Variants in THUMPD1 observed in about 807,000 individuals in gnomAD.
THUMPD1 encodes THUMP domain-containing protein 1.
In THUMPD1, 31 loss-of-function variants were observed where a neutral mutation model predicts 31.6. The observed-to-expected ratio is 0.98, with a 90% CI of 0.74 to 1.32. The LOEUF (loss-of-function observed/expected upper bound fraction) is 1.32. Ranked by LOEUF, THUMPD1 falls within the 40% of genes most tolerant of loss-of-function variation. THUMPD1 has a pLI of 0.00. For missense variants in THUMPD1, 446 were observed against 427.8 expected, an observed-to-expected ratio of 1.04 and a Z score of -0.38; for synonymous variants, 166 against 158.2, an observed-to-expected ratio of 1.05 and a Z score of -0.37.
chr16:20,739,580 G>A (rs1296381661), intron 1 of THUMPD1, among the ~76,000 whole-genome samples: 4 of 152,072 alleles, frequency 2.6e-5, no homozygotes, highest in Non-Finnish European at 5.9e-5. Flanking sequence ...CAGCACTCTG[G>A]GAGGCAGAGG....
In THUMPD1 at chr16:20,737,116, G is replaced by T. The variant is rs776927825; in HGVS notation, c.826C>A (p.Gln276Lys). 5.6e-6 allele frequency: 9 copies of T among 1,614,062 alleles called. No individual in the cohort carries two copies. Among genetic ancestry groups the T allele is most frequent in the Non-Finnish European group, 8.5e-7 (1 of 1,180,054 alleles). ...CCATTTCCCTGCTTTGAGTTAAGCT[G>T]TGACGGATCCTTAGGGCTCTTCACC... Reference protein sequence around the residue: ...EVVKSPKDPSQLNSKQGNGKE... With the variant: ...EVVKSPKDPSKLNSKQGNGKE... The change falls in exon 4 of 4, where the codon CAG becomes AAG. Residue 276 changes from glutamine (Q) to lysine (K), a missense_variant. Transcript: ENST00000396083.
At chr16:20,741,344 GA>G in intron 1 of THUMPD1, among the ~76,000 whole-genome samples, 164 bp downstream of exon 1, 1 of 152,336 alleles carries the variant, frequency 6.6e-6, no homozygotes, top group Non-Finnish European at 1.5e-5. Context: ...CGAAGTCTGC[GA>G]GCGTCTCAGG....
chr16:20,736,907 G>A lies in THUMPD1; in HGVS notation c.1035C>T (p.Ser345=). 1.9e-6 allele frequency: 3 copies of A among 1,614,064 alleles called. No individual in the cohort carries two copies. The highest frequency in any genetic ancestry group is 3.3e-4 in the Middle Eastern group (2 of 6,062). The change falls in exon 4 of 4, where the codon TCC becomes TCT. Residue 345 remains serine (S), a synonymous_variant. Transcript: ENST00000396083. ...PELASQATEG[S]KSNENDFS ...ATGAGAAGTCATTTTCATTTGACTT[G>A]GATCCTTCTGTGGCTTGACTTGCAA...
Position 20,735,076 on chromosome 16 carries a change from G to C in THUMPD1, c.*1804C>G, listed in dbSNP as rs181516268. 1 of 152,342 alleles carries C rather than the reference G, an allele frequency of 6.6e-6. No individual in the cohort carries two copies. Among genetic ancestry groups the C allele is most frequent in the East Asian group, 1.9e-4 (1 of 5,184 alleles). 9.4% of individuals were successfully genotyped at this position (152,342 alleles called of 1,614,324 possible). On this transcript the variant is annotated 3_prime_UTR_variant, in exon 4 of 4. Transcript: ENST00000396083. ...AAGAATTCCTCTGGCAAGGTGGCAAGTCAGTTTCCTTTTAGATCTAAGAGT... is the reference window on the plus strand; with the variant it reads ...AAGAATTCCTCTGGCAAGGTGGCAACTCAGTTTCCTTTTAGATCTAAGAGT...
At chr16:20,738,491 G>C (rs1486539891) in intron 2 of THUMPD1, among the ~76,000 whole-genome samples, 1 of 152,110 alleles carries the variant, frequency 6.6e-6, no homozygotes, top group East Asian at 1.9e-4. Flanking sequence ...ATTTGGGGCT[G>C]CTCCGAAAAT....
Position 20,738,911 on chromosome 16 carries a change from CTGA to C in THUMPD1, c.389_391del (p.Ile130del). On this transcript the variant is annotated inframe_deletion, in exon 2 of 4. Coordinates refer to ENST00000396083, the MANE Select transcript of THUMPD1 (RefSeq NM_017736.5). ...ATTTGTCACACCTATCCCAAGTGTC[CTGA>C]TGAAGACAACGTTATTTGCTCCACT... The C allele has an allele frequency of 1.4e-5, 22 of 1,614,166 alleles. No individual in the cohort carries two copies. The highest frequency in any genetic ancestry group is 1.9e-5 in the Non-Finnish European group (22 of 1,180,014).
At position 20,738,986 on chromosome 16, in the gene THUMPD1, A is replaced by C; in HGVS notation, c.317T>G (p.Ile106Ser). The change falls in exon 2 of 4, where the codon ATT becomes AGT. Residue 106 changes from isoleucine (I) to serine (S), a missense_variant. Physicochemically the swap from Ile to Ser is moderately radical, Grantham distance 142. Transcript: ENST00000396083. ...EAALKKEVGD[I>S]KASTEMRLRR... ...TAACCTCATCTCTGTAGATGCCTTA[A>C]TGTCACCAACTTCTTTCTTCAAGGC... The C allele has an allele frequency of 6.2e-7, 1 of 1,614,148 alleles. No individual in the cohort carries two copies. The highest frequency in any genetic ancestry group is 1.1e-5 in the South Asian group (1 of 91,084).
At chr16:20,740,451 C>T (rs2079907177) in intron 1 of THUMPD1, among the ~76,000 whole-genome samples, 1 of 152,218 alleles carries the variant, frequency 6.6e-6, no homozygotes. Context: ...GTGCTTGTTG[C>T]CCAGCTCTCT....
chr16:20,734,498 TAGG>T lies in THUMPD1; in HGVS notation c.*2379_*2381del, dbSNP rs144643260. ...TGGTTTACCAAACAGAACCACCAGC[TAGG>T]AGGATAAAAATACATTCCCATGTTC... is the stretch of plus-strand genomic sequence containing the variant. On this transcript the variant is annotated 3_prime_UTR_variant, in exon 4 of 4. Coordinates refer to ENST00000396083, the MANE Select transcript of THUMPD1 (RefSeq NM_017736.5). The T allele has an allele frequency of 0.02, 3,000 of 152,380 alleles. 53 individuals are homozygous for T. Among genetic ancestry groups the T allele is most frequent in the Non-Finnish European group, 0.03 (2,015 of 68,002 alleles). 9.4% of individuals were successfully genotyped at this position (152,380 alleles called of 1,614,324 possible).
intron 1 of THUMPD1, among the ~76,000 whole-genome samples, chr16:20,741,170 G>A (rs543537731): frequency 4.7e-4 from 71 of 152,304 alleles, no homozygotes; most frequent in African/African-American, 1.4e-3. Context: ...GCTGAGACAG[G>A]AGAAGTCGAG....
At chr16:20,739,339 C>A (rs898388878) in intron 1 of THUMPD1, among the ~76,000 whole-genome samples, 4 of 151,976 alleles carry the variant, frequency 2.6e-5, no homozygotes, top group African/African-American at 9.7e-5. Context: ...CTACACACAG[C>A]TAATTTTTGT....
chr16:20,734,147 A>T lies in THUMPD1; in HGVS notation c.*2733T>A, dbSNP rs2079848878. 6.6e-6 allele frequency: 1 copy of T among 152,620 alleles called. No homozygotes were observed. Among genetic ancestry groups the T allele is most frequent in the Non-Finnish European group, 1.5e-5 (1 of 68,024 alleles). The allele number at this position is 152,620 out of a possible 1,614,324, so 9.5% of individuals were successfully genotyped here. Reference sequence around the variant, plus strand: ...AAGACAATTTAAAAACAAACTGTATAATCAAAATCTTTCCGTAAAATAGCA... The same window carrying T: ...AAGACAATTTAAAAACAAACTGTATTATCAAAATCTTTCCGTAAAATAGCA... On this transcript the variant is annotated 3_prime_UTR_variant, in exon 4 of 4. Transcript: ENST00000396083.
chr16:20,741,477 G>GCCGGGGGGGGGGGGGGCCGCGCCCCC, intron 1 of THUMPD1, 32 bp downstream of exon 1: 1 of 1,378,122 alleles, frequency 7.3e-7, no homozygotes, highest in South Asian at 1.5e-5. Context: ...AGGCCTGGCA[G>GCCGGGGGGGGGGGGGGCCGCGCCCCC]CCGGCCCGCC....
chr16:20,733,874 G>GT lies in THUMPD1; in HGVS notation c.*3005dup, dbSNP rs954497459. On this transcript the variant is annotated 3_prime_UTR_variant, in exon 4 of 4. Coordinates refer to ENST00000396083, the MANE Select transcript of THUMPD1 (RefSeq NM_017736.5). ...AAGTTTTCTAAACCATAAGACTGCA[G>GT]TTTTTTTATTTTTTTAACTGACGTA... The GT allele has an allele frequency of 5.3e-5, 8 of 151,858 alleles. No individual in the cohort carries two copies. The highest frequency in any genetic ancestry group is 9.7e-5 in the African/African-American group (4 of 41,354). The allele number at this position is 151,858 out of a possible 1,614,324, so 9.4% of individuals were successfully genotyped here. A position where few individuals can be genotyped will look rare whatever the true frequency, so the allele number is the denominator to read the frequency against.
intron 2 of THUMPD1, 94 bp from the exon 3 acceptor site, chr16:20,738,050 CA>C: frequency 8.4e-7 from 1 of 1,191,692 alleles, no homozygotes; most frequent in Non-Finnish European, 1.2e-6. Flanking sequence ...CATAAGTTGA[CA>C]GAAGAAATTC....
rs372083481 is a variant in THUMPD1 at position 20,737,859 on chromosome 16, T to C, written c.504A>G (p.Thr168=). 5 of 1,613,880 alleles carry C rather than the reference T, an allele frequency of 3.1e-6. No homozygotes were observed. Among genetic ancestry groups the C allele is most frequent in the African/African-American group, 2.7e-5 (2 of 74,920 alleles). Reference sequence around the variant, plus strand: ...TCATATCTTCTAAAAAAGCCTTGCATGTGCCTGAGATGGGTAACATTCGCA... The same window carrying C: ...TCATATCTTCTAAAAAAGCCTTGCACGTGCCTGAGATGGGTAACATTCGCA... ...VILRMLPISG[T]CKAFLEDMKK... The change falls in exon 3 of 4, where the codon ACA becomes ACG. Residue 168 remains threonine (T), a synonymous_variant. Transcript: ENST00000396083.
In THUMPD1 at chr16:20,734,210, T is replaced by C. The variant is rs577876334; in HGVS notation, c.*2670A>G. 1.3e-5 allele frequency: 2 copies of C among 152,786 alleles called. No homozygotes were observed. The highest frequency in any genetic ancestry group is 4.8e-5 in the African/African-American group (2 of 41,598). The allele number at this position is 152,786 out of a possible 1,614,324, so 9.5% of individuals were successfully genotyped here. A position where few individuals can be genotyped will look rare whatever the true frequency, so the allele number is the denominator to read the frequency against. On this transcript the variant is annotated 3_prime_UTR_variant, in exon 4 of 4. Coordinates refer to ENST00000396083, the MANE Select transcript of THUMPD1 (RefSeq NM_017736.5). ...TAAAAACAATTTAGTTCCACAGAGT[T>C]GTATGCTCTGTAGGCATATGGCCAA...
rs534945324 is a variant in THUMPD1, at chr16:20,739,165, G to T, written c.232-94C>A. On this transcript the variant is annotated intron_variant, in intron 1 of 3. Transcript: ENST00000396083. ...TATGTGAAGTCCCTGGCGGCAGGTGGCTCAGTATTGATTTTTTTTTTTTTT... is the reference window on the plus strand; with the variant it reads ...TATGTGAAGTCCCTGGCGGCAGGTGTCTCAGTATTGATTTTTTTTTTTTTT... 2.8e-5 allele frequency: 36 copies of T among 1,267,608 alleles called. No homozygotes were observed. In the Admixed American group the frequency reaches 1.0e-3, roughly 35 times the overall value. 78.5% of individuals were successfully genotyped at this position (1,267,608 alleles called of 1,614,324 possible).
At position 20,737,912 on chromosome 16, in the gene THUMPD1, T is replaced by G; in HGVS notation, c.451A>C (p.Thr151Pro). ...VHHILQDMYK[T>P]KKKKTRVILR... Reference sequence around the variant, plus strand: ...ATAACTCGAGTCTTCTTTTTCTTGGTTTTGTACATATCCTGGAGAATATGA... The same window carrying G: ...ATAACTCGAGTCTTCTTTTTCTTGGGTTTGTACATATCCTGGAGAATATGA... Residue 151 changes from threonine (T) to proline (P), a missense_variant, in exon 3 of 4, where the codon ACC (threonine) becomes CCC (proline). By Grantham distance (38) the Thr-to-Pro change is conservative (BLOSUM62 -1). Coordinates refer to ENST00000396083, the MANE Select transcript of THUMPD1 (RefSeq NM_017736.5). 1 of 1,613,680 alleles carries G rather than the reference T, an allele frequency of 6.2e-7. No individual in the cohort carries two copies. Among genetic ancestry groups the G allele is most frequent in the African/African-American group, 1.3e-5 (1 of 74,996 alleles).
Sources: gnomAD v4.1 joint callset for allele counts (sites outside exome capture counted in the v4.1 genomes callset) on GRCh38, gnomAD v4.1.1 for gene constraint, MANE v1.5 for transcripts, NCBI Gene and HGNC (gene_info 2026-07-23, HGNC 2026-07-21) for gene names.